The following PFKFB1 variants were observed in gnomAD, a reference collection of about 807,000 sequenced individuals.
PFKFB1 encodes 6-phosphofructo-2-kinase/fructose-2,6-biphosphatase 1.
Under a neutral mutation model 46.4 loss-of-function variants are expected in PFKFB1, and 34 were observed. The observed-to-expected ratio is 0.73, with a 90% CI of 0.56 to 0.98. The LOEUF (loss-of-function observed/expected upper bound fraction) is 0.98. Among genes scored for constraint, PFKFB1 ranks in the 50% least tolerant of loss-of-function variants. The pLI is 0.00. For synonymous variants in PFKFB1, 119 were observed against 133.8 expected, an observed-to-expected ratio of 0.89 and a Z score of 0.76; for missense variants, 393 against 376.3, an observed-to-expected ratio of 1.04 and a Z score of -0.37.
In PFKFB1 at chrX:54,933,139, G is replaced by A. The variant is rs997795974; in HGVS notation, c.*264C>T. The A allele has an allele frequency of 9.7e-5, 36 of 371,526 alleles. No homozygotes were observed. Among genetic ancestry groups the A allele is most frequent in the Non-Finnish European group, 1.5e-4 (33 of 213,176 alleles). 30.6% of individuals were successfully genotyped at this position (371,526 alleles called of 1,213,427 possible). On this transcript the variant is annotated 3_prime_UTR_variant, in exon 14 of 14. Coordinates refer to ENST00000375006, the MANE Select transcript of PFKFB1 (RefSeq NM_002625.4). ...CCTTGAGAACAACTGGAAAAGCCTC[G>A]CCATGACCTCCTCCTCTCCTCTTGT...
intron 1 of PFKFB1, among the ~76,000 whole-genome samples, chrX:54,986,189 C>T (rs763298948): frequency 2.5e-4 from 28 of 112,093 alleles, no homozygotes; most frequent in Admixed American, 8.5e-4. Context: ...TGGTGGCTCA[C>T]GCCTATAATC....
At chrX:54,941,498 CA>C (rs1169385060) in intron 10 of PFKFB1, among the ~76,000 whole-genome samples, 1 of 111,600 alleles carries the variant, frequency 9.0e-6, no homozygotes, top group Non-Finnish European at 1.9e-5. Context: ...ACTCATCTGA[CA>C]AAGGGCTAAT....
At chrX:54,994,206 G>T, upstream of PFKFB1, 1 of 1,050,275 alleles carries the variant, frequency 9.5e-7, no homozygotes, top group Middle Eastern at 3.8e-4. Flanking sequence ...GCCTGCCTCT[G>T]CTCCTGTATG....
At chrX:54,994,193 C>T, upstream of PFKFB1, 1 of 1,058,990 alleles carries the variant, frequency 9.4e-7, no homozygotes, top group Non-Finnish European at 1.2e-6. Flanking sequence ...TCCTCTGGTC[C>T]TAGCCTGCCT....
chrX:54,967,240 A>C (rs1934502029), intron 1 of PFKFB1, among the ~76,000 whole-genome samples: 1 of 112,556 alleles, frequency 8.9e-6, no homozygotes, highest in African/African-American at 3.2e-5. Context: ...ACATGGAAAA[A>C]GACAACAGAC....
chrX:54,968,491 G>T (rs780905609), intron 1 of PFKFB1, among the ~76,000 whole-genome samples: 27 of 110,236 alleles, frequency 2.4e-4, no homozygotes, highest in Admixed American at 8.7e-4. Flanking sequence ...GAATCAAATG[G>T]ATATTTTGGA....
intron 1 of PFKFB1, among the ~76,000 whole-genome samples, chrX:54,970,680 G>C (rs1456735514): frequency 6.1e-5 from 2 of 33,017 alleles, no homozygotes; most frequent in East Asian, 3.1e-3. Flanking sequence ...CATTTTTTAT[G>C]GCTGCATAGT....
chrX:54,936,430 G>A lies in PFKFB1; in HGVS notation c.1228+1165C>T, dbSNP rs185723489. Among the ~76,000 whole-genome samples the A allele has an allele frequency of 9.1e-3, 1,010 of 111,447 alleles. 7 individuals carry two copies. Among genetic ancestry groups the A allele is most frequent in the Middle Eastern group, 0.023 (5 of 217 alleles). ...CTGCCCTGTCTGGCTCCCAGGACAG[G>A]TAGCCTGTGTGTAAAAAGCACTCCA... On this transcript the variant is annotated intron_variant, in intron 11 of 13. Transcript: ENST00000375006.
chrX:54,985,492 G>A (rs932410703), intron 1 of PFKFB1, among the ~76,000 whole-genome samples: 9 of 110,873 alleles, frequency 8.1e-5, no homozygotes, highest in Admixed American at 1.9e-4. Flanking sequence ...AACACTGAAG[G>A]GTTCACACTG....
At chrX:54,964,015 G>A (rs1934398241) in intron 1 of PFKFB1, among the ~76,000 whole-genome samples, 1 of 111,111 alleles carries the variant, frequency 9.0e-6, no homozygotes, top group African/African-American at 3.3e-5. Context: ...CAACATCACT[G>A]AAACTCTGCC....
chrX:54,937,672 C>T lies in PFKFB1; in HGVS notation c.1151G>A (p.Arg384Gln). ...RLEPVIMELE[R>Q]QENVLVICHQ... is the part of the protein sequence containing the mutation. ...GCAGATCACCAGTACATTCTCCTGTCGTTCTAGCTCCATTATCACTGGCTC... is the reference window on the plus strand; with the variant it reads ...GCAGATCACCAGTACATTCTCCTGTTGTTCTAGCTCCATTATCACTGGCTC... The change falls in exon 11 of 14, where the codon CGA becomes CAA. Residue 384 changes from arginine to glutamine, a missense_variant. By Grantham distance (43) the Arg-to-Gln change is conservative. Coordinates refer to ENST00000375006, the MANE Select transcript of PFKFB1 (RefSeq NM_002625.4). 4.1e-6 allele frequency: 5 copies of T among 1,205,215 alleles called. No homozygotes were observed. The highest frequency in any genetic ancestry group is 3.5e-5 in the African/African-American group (2 of 57,743).
chrX:54,934,848 G>A, intron 12 of PFKFB1, 99 bp downstream of exon 12: 2 of 640,700 alleles, frequency 3.1e-6, no homozygotes, highest in South Asian at 4.9e-5. Flanking sequence ...CACCCACCCA[G>A]GAAACCTCCT....
At chrX:54,958,731 C>A in intron 5 of PFKFB1, 120 bp downstream of exon 5, 2 of 488,817 alleles carry the variant, frequency 4.1e-6, no homozygotes, top group South Asian at 4.0e-5. Context: ...GTTAGAGAAC[C>A]AAATTAAAAT....
chrX:54,993,868 T>TACC (rs777426247), intron 1 of PFKFB1, 43 bp downstream of exon 1: 1 of 1,175,380 alleles, frequency 8.5e-7, no homozygotes, highest in East Asian at 3.1e-5. Flanking sequence ...ACACCCACTC[T>TACC]ACCACCACCA....
chrX:54,950,060 G>A (rs553489851), intron 8 of PFKFB1, among the ~76,000 whole-genome samples: 1 of 111,986 alleles, frequency 8.9e-6, no homozygotes, highest in Non-Finnish European at 1.9e-5. Flanking sequence ...ACCATAAAGG[G>A]CTGTGGGAGC....
chrX:54,993,429 C>T (rs1935294978), intron 1 of PFKFB1, among the ~76,000 whole-genome samples: 1 of 111,291 alleles, frequency 9.0e-6, no homozygotes, highest in Non-Finnish European at 1.9e-5. Context: ...GCAATACTGA[C>T]CAGTGACATG....
Position 54,972,920 on chromosome X carries a change from T to G in PFKFB1, c.98-9538A>C, listed in dbSNP as rs745665321. Reference sequence around the variant, plus strand: ...ATAGTTTCAGACGGAATGGTACCAGTTCCTCCTTGTACCTCTGGTAGAATT... The same window carrying G: ...ATAGTTTCAGACGGAATGGTACCAGGTCCTCCTTGTACCTCTGGTAGAATT... On this transcript the variant is annotated intron_variant, in intron 1 of 13. Coordinates refer to ENST00000375006, the MANE Select transcript of PFKFB1 (RefSeq NM_002625.4). Among the ~76,000 whole-genome samples the G allele has an allele frequency of 6.3e-5, 7 of 111,729 alleles. No homozygotes were observed. The South Asian group carries it at 2.7e-3, about 42-fold the overall frequency.
At chrX:54,964,606 G>C (rs1183699229) in intron 1 of PFKFB1, among the ~76,000 whole-genome samples, 1 of 111,419 alleles carries the variant, frequency 9.0e-6, no homozygotes, top group African/African-American at 3.3e-5. Context: ...ATTGTGTAAT[G>C]GTGGGGTTTG....
chrX:54,994,914 G>A (rs1420252868), upstream of PFKFB1: 1 of 697,029 alleles, frequency 1.4e-6, no homozygotes, highest in Non-Finnish European at 1.7e-6. Context: ...TGCCCACATG[G>A]CTGTTAGCCA....
Sources: allele counts gnomAD v4.1 joint callset (sites outside exome capture counted in the v4.1 genomes callset), GRCh38; gene constraint gnomAD v4.1.1; transcripts MANE v1.5; gene names NCBI Gene and HGNC (gene_info 2026-07-23, HGNC 2026-07-21).